PAPLN: variants seen among roughly 807,000 people sequenced by gnomAD.
The protein encoded by PAPLN is papilin.
A neutral mutation model predicts 159.0 loss-of-function variants in PAPLN; 146 were observed. The ratio of observed to expected loss-of-function variants is 0.92; its 90% CI spans 0.80 to 1.05. The LOEUF (loss-of-function observed/expected upper bound fraction) is 1.05, where lower values mean the gene tolerates loss of function less well. Ranked by LOEUF, PAPLN falls within the 50% of genes least tolerant of loss-of-function variation. The pLI, the probability that PAPLN is intolerant of heterozygous loss-of-function variation, is 0.00. For synonymous variants in PAPLN, 734 were observed against 702.9 expected (o/e 1.04, Z -0.70); for missense variants, 1,720 against 1,743.9 (o/e 0.99, Z 0.24).
At chr14:73,264,177 C>T (rs747155343) in intron 20 of PAPLN, 34 bp from the exon 21 acceptor site, 22 of 1,611,918 alleles carry the variant, frequency 1.4e-5, no homozygotes, top group Non-Finnish European at 1.7e-5. Flanking sequence ...CTTGGGAGCC[C>T]AGAGCTCATG....
At chr14:73,253,639 G>C in intron 11 of PAPLN, 115 bp from the exon 12 acceptor site, 1 of 955,692 alleles carries the variant, frequency 1.0e-6, no homozygotes, top group Non-Finnish European at 1.5e-6. Context: ...AGGCTCAGAG[G>C]ATGGGCTGGG....
intron 10 of PAPLN, 77 bp downstream of exon 10, chr14:73,252,218 G>A (rs1005014): frequency 0.21 from 318,488 of 1,485,626 alleles, 37,210 homozygotes; most frequent in East Asian, 0.5. Context: ...GCAAGTCACA[G>A]CCCTCTCCTC....
At position 73,264,193 on chromosome 14, in the gene PAPLN, C is replaced by T. The variant is rs1442524968; in HGVS notation, c.2862-18C>T. 6.2e-7 allele frequency: 1 copy of T among 1,612,982 alleles called. No homozygotes were observed. The highest frequency in any genetic ancestry group is 1.3e-5 in the African/African-American group (1 of 74,898). On this transcript the variant is annotated intron_variant, in intron 20 of 26. Transcript: ENST00000644200. ...TTGGGAGCCCAGAGCTCATGTCCTCCCACACCACCCCACTCAGGCACAGGC... is the reference window on the plus strand; with the variant it reads ...TTGGGAGCCCAGAGCTCATGTCCTCTCACACCACCCCACTCAGGCACAGGC...
At chr14:73,272,430 A>G in intron 26 of PAPLN, 65 bp from the exon 27 acceptor site, 2 of 1,371,860 alleles carry the variant, frequency 1.5e-6, no homozygotes, top group Non-Finnish European at 1.9e-6. Context: ...ATGAAATGGC[A>G]GGTGAGAATT....
chr14:73,262,227 G>T, intron 18 of PAPLN, 123 bp from the exon 19 acceptor site: 1 of 992,010 alleles, frequency 1.0e-6, no homozygotes, highest in Non-Finnish European at 1.5e-6. Context: ...CCCCCAGACA[G>T]GGGTGTAGAC....
At position 73,251,523 on chromosome 14, in the gene PAPLN, C is replaced by T; in HGVS notation, c.627C>T (p.Thr209=). 6.2e-7 allele frequency: 1 copy of T among 1,611,286 alleles called. No homozygotes were observed. The highest frequency in any genetic ancestry group is 2.2e-5 in the East Asian group (1 of 44,886). ...TCCTCATAGTTCCCATGGGTGCCACCAGCATCCTCATCGACGAGGCTGCTG... is the reference window on the plus strand; with the variant it reads ...TCCTCATAGTTCCCATGGGTGCCACTAGCATCCTCATCGACGAGGCTGCTG... ...NQILIVPMGA[T]SILIDEAAAS... The change falls in exon 8 of 27, where the codon ACC becomes ACT. Residue 209 remains threonine, a synonymous_variant. Coordinates refer to ENST00000644200, the MANE Select transcript of PAPLN (RefSeq NM_001365906.3).
rs1887050186 is a variant in PAPLN at position 73,264,791 on chromosome 14, G to A, written c.3125+65G>A. ...AGGGCCAGGGCCGGGGGTCTCAGTG[G>A]ATAAGGAGGGGAACGTCTGCTGTGA... is the stretch of plus-strand genomic sequence containing the variant. On this transcript the variant is annotated intron_variant, in intron 22 of 26. Transcript: ENST00000644200. 4 of 1,599,984 alleles carry A rather than the reference G, an allele frequency of 2.5e-6. No individual in the cohort carries two copies. In the South Asian group the frequency reaches 4.5e-5, roughly 18 times the overall value.
intron 16 of PAPLN, 134 bp from the exon 17 acceptor site, chr14:73,260,575 C>CGGG (rs1886450422): frequency 8.5e-7 from 1 of 1,179,910 alleles, no homozygotes; most frequent in Non-Finnish European, 1.1e-6. Flanking sequence ...GCCCTGCACA[C>CGGG]GGGGACACGT....
Position 73,258,962 on chromosome 14 carries a change from C to T in PAPLN, c.1628-17C>T, listed in dbSNP as rs745847815. 2 of 1,599,884 alleles carry T rather than the reference C, an allele frequency of 1.3e-6. No individual in the cohort carries two copies. Among genetic ancestry groups the T allele is most frequent in the Admixed American group, 1.7e-5 (1 of 58,244 alleles). The stretch of plus-strand genomic sequence containing the variant: ...TCCTCCCTCTCCGTCCCACATGGAC[C>T]TCCCGGCTCCCTGCAGAGGTCCCCA... On this transcript the variant is annotated splice_polypyrimidine_tract_variant and intron_variant, in intron 14 of 26. Transcript: ENST00000644200.
At chr14:73,244,959 G>A in intron 3 of PAPLN, 200 bp downstream of exon 3, 1 of 492,966 alleles carries the variant, frequency 2.0e-6, no homozygotes, top group Non-Finnish European at 3.6e-6. Context: ...CTCTGAGCTG[G>A]AGCACGCGTG....
rs2280792 is a variant in PAPLN, at chr14:73,244,686, A to G, written c.97A>G (p.Ser33Gly). 230,018 of 1,595,984 alleles carry G rather than the reference A, an allele frequency of 0.14. 20,479 individuals are homozygous for G. The highest frequency in any genetic ancestry group is 0.45 in the East Asian group (19,867 of 43,760). The change falls in exon 3 of 27, where the codon AGC becomes GGC. Residue 33 changes from serine (S) to glycine (G), a missense_variant. Transcript: ENST00000644200. ...GCAGAGTGACACCTGGGGACCCTGG[A>G]GCCAGTGGAGCCCCTGCAGCCGGAC... Reference protein sequence around the residue: ...RRQSDTWGPWSQWSPCSRTCG... With the variant: ...RRQSDTWGPWGQWSPCSRTCG...
chr14:73,255,281 G>A (rs890183352), intron 14 of PAPLN, among the ~76,000 whole-genome samples: 5 of 152,164 alleles, frequency 3.3e-5, no homozygotes, highest in African/African-American at 9.7e-5. Flanking sequence ...TGTCATTTCT[G>A]TGGGACCCTT....
chr14:73,246,281 A>G (rs527418454), intron 5 of PAPLN, 106 bp downstream of exon 5: 17 of 952,972 alleles, frequency 1.8e-5, no homozygotes, highest in Non-Finnish European at 2.5e-5. Context: ...TATATATATT[A>G]GAGACAGTCT....
rs142831052 is a variant in PAPLN at position 73,265,584 on chromosome 14, G to C, written c.3263+77G>C. The C allele has an allele frequency of 1.4e-4, 222 of 1,564,308 alleles. No homozygotes were observed. The African/African-American group carries it at 2.2e-3, about 16-fold the overall frequency. On this transcript the variant is annotated intron_variant, in intron 23 of 26. Coordinates refer to ENST00000644200, the MANE Select transcript of PAPLN (RefSeq NM_001365906.3). This position sits in a 1 kb window ranked among gnomAD's most constrained non-coding sequence, Gnocchi z 4.1. ...ATCCTATGGAGGCCACCGGGGAAGG[G>C]AGCTGCTAGCGCATGGTCATGGCCA...
At chr14:73,266,344 T>A (rs936502577) in intron 23 of PAPLN, among the ~76,000 whole-genome samples, 157 bp from the exon 24 acceptor site, 1 of 152,054 alleles carries the variant, frequency 6.6e-6, no homozygotes, top group Admixed American at 6.5e-5. Flanking sequence ...CAAATGGTCC[T>A]TCTGTCAGAC....
At chr14:73,250,494 G>A (rs541265343) in intron 6 of PAPLN, among the ~76,000 whole-genome samples, 1 of 152,262 alleles carries the variant, frequency 6.6e-6, no homozygotes, top group African/African-American at 2.4e-5. Context: ...GGAGGTGGCC[G>A]CCAGCTGCTC....
chr14:73,253,804 C>G lies in PAPLN; in HGVS notation c.1145C>G (p.Ser382Cys). ...TGCTCAGCCTCCTGTGGAGGAGGCT[C>G]CCAGTCCCGCTCCGTGTACTGCATC... ...APCSASCGGG[S>C]QSRSVYCISS... The change falls in exon 12 of 27, where the codon TCC becomes TGC. Residue 382 changes from serine to cysteine, a missense_variant. By Grantham distance (112) the Ser-to-Cys change is moderately radical (BLOSUM62 -1). Coordinates refer to ENST00000644200, the MANE Select transcript of PAPLN (RefSeq NM_001365906.3). 1 of 1,612,294 alleles carries G rather than the reference C, an allele frequency of 6.2e-7. No individual in the cohort carries two copies. The highest frequency in any genetic ancestry group is 8.5e-7 in the Non-Finnish European group (1 of 1,178,938).
intron 1 of PAPLN, among the ~76,000 whole-genome samples, chr14:73,239,058 C>T (rs1465387105): frequency 6.6e-6 from 1 of 152,190 alleles, no homozygotes. Context: ...GGACCCGCCC[C>T]GCACACTGCA....
rs1449543284 is a variant in PAPLN at position 73,274,004 on chromosome 14, T to C, written c.*1340T>C. 1 of 152,212 alleles carries C rather than the reference T, an allele frequency of 6.6e-6. No individual in the cohort carries two copies. The highest frequency in any genetic ancestry group is 1.5e-5 in the Non-Finnish European group (1 of 68,042). The allele number at this position is 152,212 out of a possible 1,614,324, so 9.4% of individuals were successfully genotyped here. A position where few individuals can be genotyped will look rare whatever the true frequency, so the allele number is the denominator to read the frequency against. On this transcript the variant is annotated 3_prime_UTR_variant, in exon 27 of 27. Transcript: ENST00000644200. ...GCAAATCTGGCTGTGACGGTTCATC[T>C]GACACCTGTGTAAAGCTGACCAGCC...
Sources: gnomAD v4.1 joint callset for allele counts (sites outside exome capture counted in the v4.1 genomes callset) on GRCh38, gnomAD v4.1.1 for gene constraint, Gnocchi (gnomAD v3.1) non-coding constraint, MANE v1.5 for transcripts, NCBI Gene and HGNC (gene_info 2026-07-23, HGNC 2026-07-21) for gene names.